TTC7A: variants seen among roughly 807,000 people sequenced by gnomAD.
The protein encoded by TTC7A is tetratricopeptide repeat domain 7A.
A neutral mutation model predicts 103.7 loss-of-function variants in TTC7A; 110 were observed. The observed-to-expected ratio is 1.06, with a 90% CI of 0.91 to 1.24. TTC7A has a LOEUF of 1.24. TTC7A is among the 50% of genes most tolerant of loss of function. The pLI is 0.00. For synonymous variants in TTC7A, 521 were observed against 467.9 expected, an observed-to-expected ratio of 1.11 and a Z score of -1.47; for missense variants, 1,340 against 1,116.3, an observed-to-expected ratio of 1.20 and a Z score of -2.86.
chr2:47,006,105 T>A, intron 9 of TTC7A, 46 bp downstream of exon 9: 1 of 1,597,988 alleles, frequency 6.3e-7, no homozygotes, highest in African/African-American at 1.3e-5. Flanking sequence ...AGTCAGGTGG[T>A]CTGTAAAGGA....
In TTC7A at chr2:46,966,660, C is replaced by CT. The variant is rs759580571; in HGVS notation, c.518-8298dup. Among the ~76,000 whole-genome samples the CT allele has an allele frequency of 5.6e-3, 753 of 135,268 alleles. 4 individuals carry two copies. Among genetic ancestry groups the CT allele is most frequent in the African/African-American group, 0.013 (474 of 36,804 alleles). The allele number at this position is 135,268 out of a possible 152,430, so 88.7% of individuals were successfully genotyped here. A position where few individuals can be genotyped will look rare whatever the true frequency, so the allele number is the denominator to read the frequency against. On this transcript the variant is annotated intron_variant, in intron 3 of 19. Transcript: ENST00000319190. ...TTGAAGCTAAATTTTGTATACATCA[C>CT]TTTTTTTTTTTTTTTGGTGGAGATG... is the stretch of plus-strand genomic sequence containing the variant.
intron 15 of TTC7A, among the ~76,000 whole-genome samples, chr2:47,032,401 G>A (rs1680644674): frequency 6.6e-6 from 1 of 152,194 alleles, no homozygotes; most frequent in South Asian, 2.1e-4. Context: ...TTCCTGGAGA[G>A]CAGTGTCTGC....
chr2:47,070,057 G>A (rs1299240756), intron 19 of TTC7A, among the ~76,000 whole-genome samples: 3 of 54,696 alleles, frequency 5.5e-5, no homozygotes, highest in Non-Finnish European at 3.5e-5. Context: ...TGCTTCCCAG[G>A]GCAGGCCCCC....
chr2:46,990,840 C>A (rs1305407030), intron 5 of TTC7A, among the ~76,000 whole-genome samples: 2 of 152,128 alleles, frequency 1.3e-5, no homozygotes, highest in Non-Finnish European at 2.9e-5. Context: ...CAGTGGTTCT[C>A]GACTTGAGTG....
At chr2:47,047,112 C>G (rs1334626764) in intron 16 of TTC7A, among the ~76,000 whole-genome samples, 1 of 152,206 alleles carries the variant, frequency 6.6e-6, no homozygotes, top group Non-Finnish European at 1.5e-5. Context: ...GATGCCTAGG[C>G]TTAGCCTATG....
intron 19 of TTC7A, among the ~76,000 whole-genome samples, chr2:47,063,807 T>A (rs1683977107): frequency 6.6e-6 from 1 of 152,010 alleles, no homozygotes; most frequent in Non-Finnish European, 1.5e-5. Context: ...CGTGGGTGAG[T>A]CCCACTCCCT....
At chr2:46,925,130 A>G (rs887889632) in intron 2 of TTC7A, among the ~76,000 whole-genome samples, 1 of 152,104 alleles carries the variant, frequency 6.6e-6, no homozygotes. Context: ...TTATTTATTT[A>G]TTTCAGTGAT....
At position 46,994,529 on chromosome 2, in the gene TTC7A, C is replaced by A. The variant is rs767796352; in HGVS notation, c.1001+15C>A. On this transcript the variant is annotated intron_variant, in intron 7 of 19. Coordinates refer to ENST00000319190, the MANE Select transcript of TTC7A (RefSeq NM_020458.4). ...GAAGGAGACAAGTAAGTTCTGCCTG[C>A]CCTGCTGCACCTTGCCAGTCTCACA... 6.8e-6 allele frequency: 11 copies of A among 1,612,436 alleles called. No homozygotes were observed. The highest frequency in any genetic ancestry group is 7.6e-6 in the Non-Finnish European group (9 of 1,178,986).
intron 15 of TTC7A, among the ~76,000 whole-genome samples, chr2:47,032,904 T>TC (rs1417766528): frequency 1.3e-5 from 2 of 151,138 alleles, no homozygotes; most frequent in Non-Finnish European, 1.5e-5. Context: ...TATATACCAT[T>TC]TATAGAGATA....
In TTC7A at chr2:46,919,250, A is replaced by T. The variant is rs144842785; in HGVS notation, c.82+1973A>T. Among the ~76,000 whole-genome samples, 31 of 152,350 alleles carry T rather than the reference A, an allele frequency of 2.0e-4. No individual in the cohort carries two copies. The East Asian group carries it at 3.3e-3, about 16-fold the overall frequency. ...AATAAAAACAATTTAAAGACTCTAGATAGGCTGGGTGTGGTGGCTCACGCC... is the reference window on the plus strand; with the variant it reads ...AATAAAAACAATTTAAAGACTCTAGTTAGGCTGGGTGTGGTGGCTCACGCC... On this transcript the variant is annotated intron_variant, in intron 2 of 20. Transcript: ENST00000409245.
chr2:46,975,125 G>A lies in TTC7A; in HGVS notation c.648+22G>A, dbSNP rs1255845959. ...GAAGGTGAGCTGGAAATAACACCGT[G>A]GTAGGAGCTGCTCTCTATTGAGCAC... On this transcript the variant is annotated intron_variant, in intron 4 of 19. Transcript: ENST00000319190. 5 of 1,611,828 alleles carry A rather than the reference G, an allele frequency of 3.1e-6. 1 individual carries two copies. In the Admixed American group the frequency reaches 5.0e-5, roughly 16 times the overall value.
In TTC7A at chr2:47,051,886, T is replaced by G. The variant is rs761779450; in HGVS notation, c.2152+6T>G. ...ACAGATCTGGCTGCAGGCTGGTGAG[T>G]GCCCTGGTCCCAGTGACACACACAG... On this transcript the variant is annotated splice_donor_region_variant and intron_variant, in intron 18 of 19. Transcript: ENST00000319190. The G allele has an allele frequency of 6.2e-7, 1 of 1,604,952 alleles. No homozygotes were observed. The highest frequency in any genetic ancestry group is 1.1e-5 in the South Asian group (1 of 90,142).
chr2:46,946,286 G>A lies in TTC7A; in HGVS notation c.185-4077G>A, dbSNP rs190189725. Among the ~76,000 whole-genome samples the A allele has an allele frequency of 3.9e-5, 6 of 152,328 alleles. No individual in the cohort carries two copies. The East Asian group carries it at 1.2e-3, about 29-fold the overall frequency. ...GCAAGGTCTTCTTAAATGCCCCTGGGTAGAGAGAAGCTGCAGCATTTCACC... is the reference window on the plus strand; with the variant it reads ...GCAAGGTCTTCTTAAATGCCCCTGGATAGAGAGAAGCTGCAGCATTTCACC... On this transcript the variant is annotated intron_variant, in intron 1 of 19. Coordinates refer to ENST00000319190, the MANE Select transcript of TTC7A (RefSeq NM_020458.4).
rs887922160 is a variant in TTC7A, at chr2:47,001,690, C to G, written c.1066-4232C>G. 2.0e-5 allele frequency among the ~76,000 whole-genome samples: 3 copies of G among 152,142 alleles called. No individual in the cohort carries two copies. The South Asian group carries it at 6.2e-4, about 32-fold the overall frequency. ...TAGCCAACATGGTGAAGCCCCGTCT[C>G]TACTAGAAATACAAAAAAATTAGCC... On this transcript the variant is annotated intron_variant, in intron 8 of 19. Transcript: ENST00000319190.
At chr2:47,003,108 C>T (rs1435319317) in intron 8 of TTC7A, among the ~76,000 whole-genome samples, 1 of 152,212 alleles carries the variant, frequency 6.6e-6, no homozygotes, top group African/African-American at 2.4e-5. Flanking sequence ...ACACTGTTCT[C>T]TTAAAGGTCA....
intron 18 of TTC7A, among the ~76,000 whole-genome samples, chr2:47,054,835 C>CAAAAAAAAAAA (rs71399005): frequency 8.6e-6 from 1 of 115,698 alleles, no homozygotes; most frequent in Non-Finnish European, 1.9e-5. Flanking sequence ...GACCCTGTCT[C>CAAAAAAAAAAA]AAAAAAAAAA....
At chr2:47,005,851 G>A in intron 8 of TTC7A, 71 bp from the exon 9 acceptor site, 1 of 1,564,704 alleles carries the variant, frequency 6.4e-7, no homozygotes, top group Non-Finnish European at 8.7e-7. Context: ...CAGCAAGGTG[G>A]GGGCCCTGCG....
chr2:47,045,466 CTCT>C (rs1173659165), intron 15 of TTC7A: 2 of 152,298 alleles, frequency 1.3e-5, no homozygotes, highest in Non-Finnish European at 2.9e-5. Flanking sequence ...GTGGGACCAG[CTCT>C]TCTTCTCAAC....
chr2:47,061,759 C>T (rs1683799610), intron 19 of TTC7A, among the ~76,000 whole-genome samples: 1 of 152,236 alleles, frequency 6.6e-6, no homozygotes, highest in Non-Finnish European at 1.5e-5. Context: ...AGGTGATATA[C>T]TAGACCCTAT....
Sources: gnomAD v4.1 joint callset for allele counts (sites outside exome capture counted in the v4.1 genomes callset) on GRCh38, gnomAD v4.1.1 for gene constraint, MANE v1.5 for transcripts, NCBI Gene and HGNC (gene_info 2026-07-23, HGNC 2026-07-21) for gene names.